SLC25A23: variants seen among roughly 807,000 people sequenced by gnomAD.
The protein encoded by SLC25A23 is mitochondrial adenyl nucleotide antiporter SLC25A23.
A neutral mutation model predicts 53.9 loss-of-function variants in SLC25A23; 32 were observed. That is an observed-to-expected ratio of 0.59 (90% CI 0.45 to 0.80). The LOEUF is 0.80. Ranked by LOEUF, SLC25A23 falls within the 30% of genes least tolerant of loss-of-function variation. SLC25A23 has a pLI of 0.00. For missense variants in SLC25A23, 575 were observed against 651.4 expected, an observed-to-expected ratio of 0.88 and a Z score of 1.28; for synonymous variants, 275 against 264.5, an observed-to-expected ratio of 1.04 and a Z score of -0.38.
In SLC25A23 at chr19:6,454,210, C is replaced by G. The variant is rs1202906232; in HGVS notation, c.795+113G>C. The G allele has an allele frequency of 1.5e-5, 22 of 1,505,318 alleles. No individual in the cohort carries two copies. Among genetic ancestry groups the G allele is most frequent in the Non-Finnish European group, 2.0e-5 (22 of 1,108,794 alleles). 93.2% of individuals were successfully genotyped at this position (1,505,318 alleles called of 1,614,324 possible). ...AGGCATTCATGCAGAGGAGCAGATGCCTGATCCTGGGGACCTGTGTTCACC... is the reference window on the plus strand; with the variant it reads ...AGGCATTCATGCAGAGGAGCAGATGGCTGATCCTGGGGACCTGTGTTCACC... On this transcript the variant is annotated intron_variant, in intron 6 of 9. Transcript: ENST00000301454. The surrounding 1 kb of genome is among the most constrained non-coding windows in gnomAD (Gnocchi z 4.3).
At chr19:6,456,153 C>CA in intron 4 of SLC25A23, 1 of 1,403,542 alleles carries the variant, frequency 7.1e-7, no homozygotes, top group Non-Finnish European at 9.5e-7. Context: ...CTTCCCTGTA[C>CA]CCGCAACCCC....
chr19:6,456,578 G>C, intron 3 of SLC25A23, 47 bp from the exon 4 acceptor site: 2 of 1,498,284 alleles, frequency 1.3e-6, no homozygotes, highest in Non-Finnish European at 9.3e-7. Context: ...AGTGCCTGGG[G>C]GTGGGCTAGG....
chr19:6,457,489 C>A lies in SLC25A23; in HGVS notation c.371+14G>T. The A allele has an allele frequency of 6.2e-7, 1 of 1,612,756 alleles. No individual in the cohort carries two copies. Among genetic ancestry groups the A allele is most frequent in the Non-Finnish European group, 8.5e-7 (1 of 1,178,894 alleles). On this transcript the variant is annotated intron_variant, in intron 3 of 9. Transcript: ENST00000301454. ...TCCTGAGTTACTTTGGATTCCAGAC[C>A]CCCAGCGACTCACCTGTGCAAAATT...
rs1397556010 is a variant in SLC25A23, at chr19:6,454,492, C to T, written c.643-17G>A. 1.9e-6 allele frequency: 3 copies of T among 1,613,790 alleles called. No homozygotes were observed. Among genetic ancestry groups the T allele is most frequent in the African/African-American group, 1.3e-5 (1 of 75,030 alleles). On this transcript the variant is annotated splice_polypyrimidine_tract_variant and intron_variant, in intron 5 of 9. Transcript: ENST00000301454. The surrounding 1 kb of genome is among the most constrained non-coding windows in gnomAD (Gnocchi z 4.3). ...GGCATGGACCTGAATGGGGAGACAACAGCTTGGAGGTCCCCTCCCAGGTGT... is the reference window on the plus strand; with the variant it reads ...GGCATGGACCTGAATGGGGAGACAATAGCTTGGAGGTCCCCTCCCAGGTGT...
intron 7 of SLC25A23, among the ~76,000 whole-genome samples, chr19:6,453,476 G>A (rs2092623857): frequency 2.0e-5 from 3 of 152,088 alleles, no homozygotes; most frequent in Admixed American, 6.6e-5. Flanking sequence ...CTGACCTCAG[G>A]TGATCCACCT....
Position 6,459,519 on chromosome 19 carries a change from C to G in SLC25A23, c.110G>C (p.Gly37Ala). 1.3e-6 allele frequency: 2 copies of G among 1,597,480 alleles called. No individual in the cohort carries two copies. The highest frequency in any genetic ancestry group is 1.7e-6 in the Non-Finnish European group (2 of 1,176,664). ...GRVDVHELRQ[G>A]LARLGGGNPD... ...GTTGCCCCCGCCCAGCCTGGCCAGC[C>G]CCTGGCGCAACTCGTGCACGTCCAC... The change falls in exon 1 of 10, where the codon GGG (glycine) becomes GCG (alanine). Residue 37 changes from glycine (G) to alanine (A), a missense_variant. Gly to Ala is a moderately conservative substitution (Grantham distance 60). Transcript: ENST00000301454. This position sits in a 1 kb window ranked among gnomAD's most constrained non-coding sequence, Gnocchi z 4.6.
At chr19:6,438,836 C>A, downstream of SLC25A23, 1 of 211,092 alleles carries the variant, frequency 4.7e-6, no homozygotes, top group South Asian at 5.1e-5. Context: ...GAAACAAGAG[C>A]AAGACTCCTA....
chr19:6,446,651 T>C (rs575361189), intron 8 of SLC25A23, among the ~76,000 whole-genome samples: 1 of 152,286 alleles, frequency 6.6e-6, no homozygotes, highest in Admixed American at 6.5e-5. Context: ...TGGTGCAGCA[T>C]GTCTTATGCT....
At chr19:6,445,922 CAAAAA>C (rs886928318) in intron 8 of SLC25A23, among the ~76,000 whole-genome samples, 14 of 109,688 alleles carry the variant, frequency 1.3e-4, no homozygotes, top group African/African-American at 7.0e-4. Flanking sequence ...AACAAACAAA[CAAAAA>C]AAAACTGGAT....
Position 6,458,252 on chromosome 19 carries a change from C to T in SLC25A23, c.229G>A (p.Glu77Lys), listed in dbSNP as rs755807545. ...ATGAGCAGCAGACGCTGTTCCCGCTCCTGCAGATAGCGGGAAAATTCCTCC... is the reference window on the plus strand; with the variant it reads ...ATGAGCAGCAGACGCTGTTCCCGCTTCTGCAGATAGCGGGAAAATTCCTCC... ...DLEEFSRYLQ[E>K]REQRLLLMFH... The change falls in exon 2 of 10, where the codon GAG (glutamate) becomes AAG (lysine). Residue 77 changes from glutamate (E) to lysine (K), a missense_variant. Transcript: ENST00000301454. 9 of 1,613,538 alleles carry T rather than the reference C, an allele frequency of 5.6e-6. No individual in the cohort carries two copies. The highest frequency in any genetic ancestry group is 1.3e-5 in the African/African-American group (1 of 74,920).
chr19:6,456,354 T>G, intron 4 of SLC25A23, 66 bp downstream of exon 4: 2 of 1,502,712 alleles, frequency 1.3e-6, no homozygotes, highest in Non-Finnish European at 1.8e-6. Flanking sequence ...CCTGGGGAGA[T>G]CGGAGCAAGG....
chr19:6,452,230 C>T (rs1177276420), intron 8 of SLC25A23, 82 bp downstream of exon 8: 3 of 1,530,478 alleles, frequency 2.0e-6, no homozygotes, highest in Non-Finnish European at 2.6e-6. Context: ...TCAACTGAGC[C>T]AGCCCCAGGG....
intron 8 of SLC25A23, among the ~76,000 whole-genome samples, chr19:6,445,563 G>A (rs946613660): frequency 1.3e-5 from 2 of 152,146 alleles, no homozygotes; most frequent in Admixed American, 6.5e-5. Flanking sequence ...TCAAGGCAAC[G>A]AAACAGATTT....
chr19:6,448,614 G>A (rs546143815), intron 8 of SLC25A23, among the ~76,000 whole-genome samples: 3 of 151,982 alleles, frequency 2.0e-5, no homozygotes, highest in East Asian at 3.9e-4. Context: ...GGGATTACAG[G>A]TGCCCACCAC....
At chr19:6,438,777 A>G (rs893226593), downstream of SLC25A23, 10 of 335,594 alleles carry the variant, frequency 3.0e-5, no homozygotes, top group Non-Finnish European at 5.8e-5. Context: ...TGAACCTGGA[A>G]GGCAGAGGTT....
intron 8 of SLC25A23, among the ~76,000 whole-genome samples, chr19:6,446,250 C>T (rs1021126538): frequency 1.3e-5 from 2 of 151,772 alleles, no homozygotes; most frequent in African/African-American, 4.8e-5. Context: ...GTAATCCCAG[C>T]TACTCAGGAA....
chr19:6,451,830 C>CTTTTTTTTT (rs1222647154), intron 8 of SLC25A23, among the ~76,000 whole-genome samples: 5 of 124,226 alleles, frequency 4.0e-5, no homozygotes, highest in African/African-American at 1.4e-4. Context: ...CTTTGCCTGC[C>CTTTTTTTTT]TTTTTTTTTT....
chr19:6,442,156 G>A lies in SLC25A23; in HGVS notation c.1226C>T (p.Ser409Phe). 6.5e-7 allele frequency: 1 copy of A among 1,532,928 alleles called. No homozygotes were observed. Among genetic ancestry groups the A allele is most frequent in the East Asian group, 2.3e-5 (1 of 42,994 alleles). 95.0% of individuals were successfully genotyped at this position (1,532,928 alleles called of 1,614,324 possible). Residue 409 changes from serine to phenylalanine, a missense_variant, in exon 10 of 10, where the codon TCC becomes TTC. By Grantham distance (155) the Ser-to-Phe change is radical (BLOSUM62 -2). Transcript: ENST00000301454. ...GGACAGCTGGGGGCCACCCTCGATG[G>A]AGGCTGGGAGGGGGCGGGGGGGGCA... ...LVRTRMQAQA[S>F]IEGGPQLSML...
In SLC25A23 at chr19:6,441,490, G is replaced by A. The variant is rs974721749; in HGVS notation, c.*485C>T. 6.0e-6 allele frequency: 1 copy of A among 166,842 alleles called. No individual in the cohort carries two copies. Among genetic ancestry groups the A allele is most frequent in the Non-Finnish European group, 1.3e-5 (1 of 75,782 alleles). 10.3% of individuals were successfully genotyped at this position (166,842 alleles called of 1,614,324 possible). A position where few individuals can be genotyped will look rare whatever the true frequency, so the allele number is the denominator to read the frequency against. ...GGTACAGGGAATCCGTGCTCCTGTG[G>A]TTGGGGTGTTGGGATCCATTCACTG... On this transcript the variant is annotated 3_prime_UTR_variant, in exon 10 of 10. Transcript: ENST00000301454.
Sources: allele counts gnomAD v4.1 joint callset (sites outside exome capture counted in the v4.1 genomes callset), GRCh38; gene constraint gnomAD v4.1.1; non-coding constraint Gnocchi (gnomAD v3.1); transcripts MANE v1.5; gene names NCBI Gene and HGNC (gene_info 2026-07-23, HGNC 2026-07-21).